CDK14: variants seen among roughly 807,000 people sequenced by gnomAD.
The protein encoded by CDK14 is cyclin dependent kinase 14.
A neutral mutation model predicts 60.7 loss-of-function variants in CDK14; 34 were observed. The ratio of observed to expected loss-of-function variants is 0.56; its 90% CI spans 0.43 to 0.75. CDK14 has a LOEUF of 0.75. Among genes scored for constraint, CDK14 ranks in the 30% least tolerant of loss-of-function variants. The probability of loss-of-function intolerance (pLI) is 0.00; values close to 1 mark genes in which losing one functional copy is unlikely to be tolerated. For synonymous variants in CDK14, 197 were observed against 203.7 expected (o/e 0.97, Z 0.28); for missense variants, 482 against 564.1 (o/e 0.85, Z 1.47).
chr7:90,932,803 T>C (rs947830619), intron 8 of CDK14, among the ~76,000 whole-genome samples: 9 of 152,220 alleles, frequency 5.9e-5, no homozygotes, highest in African/African-American at 1.9e-4. Flanking sequence ...TTCATCTGAA[T>C]GCTCCACTGG....
At chr7:91,006,417 A>C (rs1247904667) in intron 10 of CDK14, among the ~76,000 whole-genome samples, 1 of 152,224 alleles carries the variant, frequency 6.6e-6, no homozygotes, top group African/African-American at 2.4e-5. Flanking sequence ...TTTTTTCAGA[A>C]AACATTACAC....
chr7:91,066,668 T>C (rs1206434217), intron 11 of CDK14, among the ~76,000 whole-genome samples: 1 of 152,212 alleles, frequency 6.6e-6, no homozygotes, highest in African/African-American at 2.4e-5. Context: ...ATTTCAGGTG[T>C]AGCTTTTTTA....
chr7:90,811,467 C>T (rs1178644370), intron 5 of CDK14, among the ~76,000 whole-genome samples: 2 of 152,138 alleles, frequency 1.3e-5, no homozygotes, highest in African/African-American at 4.8e-5. Context: ...AAAAATAATT[C>T]AAGATGGATT....
At chr7:90,910,697 C>CA (rs201530876) in intron 7 of CDK14, among the ~76,000 whole-genome samples, 1,661 of 152,154 alleles carry the variant, frequency 0.011, 12 homozygotes, top group South Asian at 0.024. Context: ...CAGAGTAAGA[C>CA]AAAAAATGGG....
intron 4 of CDK14, among the ~76,000 whole-genome samples, chr7:90,774,142 G>C (rs191770750): frequency 1.3e-5 from 2 of 152,074 alleles, no homozygotes; most frequent in Admixed American, 1.3e-4. Context: ...GACCTCAAGT[G>C]ATCTGCCTGC....
intron 14 of CDK14, among the ~76,000 whole-genome samples, chr7:91,154,657 T>A (rs1800930245): frequency 6.6e-6 from 1 of 152,174 alleles, no homozygotes; most frequent in South Asian, 2.1e-4. Context: ...TCAAATAACT[T>A]AATCTTTGTG....
At chr7:91,101,742 T>G (rs1292768877) in intron 12 of CDK14, among the ~76,000 whole-genome samples, 2 of 152,200 alleles carry the variant, frequency 1.3e-5, no homozygotes, top group East Asian at 3.8e-4. Flanking sequence ...TCTTTTCTTC[T>G]GTTAGTCTTT....
intron 3 of CDK14, among the ~76,000 whole-genome samples, chr7:90,727,051 C>T (rs2116712932): frequency 6.6e-6 from 1 of 152,150 alleles, no homozygotes; most frequent in South Asian, 2.1e-4. Context: ...TCATTTTTCC[C>T]CCTTAATTGT....
intron 5 of CDK14, among the ~76,000 whole-genome samples, chr7:90,832,898 A>G (rs1236774294): frequency 6.6e-6 from 1 of 152,210 alleles, no homozygotes; most frequent in African/African-American, 2.4e-5. Flanking sequence ...AGAAAGTCAC[A>G]TGGCTAGGGC....
intron 2 of CDK14, among the ~76,000 whole-genome samples, chr7:90,659,581 C>T (rs1484030871): frequency 6.6e-6 from 1 of 151,980 alleles, no homozygotes; most frequent in Non-Finnish European, 1.5e-5. Context: ...TGAATTTGGC[C>T]CGCAAGAATA....
chr7:90,632,910 G>A (rs1442948787), intron 2 of CDK14, among the ~76,000 whole-genome samples: 6 of 151,972 alleles, frequency 3.9e-5, no homozygotes, highest in East Asian at 1.9e-4. Context: ...CCAACATGAC[G>A]AAACCCCATC....
In CDK14 at chr7:90,646,895, A is replaced by G. The variant is rs144619382; in HGVS notation, c.123+42646A>G. On this transcript the variant is annotated intron_variant, in intron 2 of 14. Transcript: ENST00000380050. Reference sequence around the variant, plus strand: ...TTAACAACTAAATATTGAGTCACATATGGTAATATACATTTAAAATTATAA... The same window carrying G: ...TTAACAACTAAATATTGAGTCACATGTGGTAATATACATTTAAAATTATAA... Among the ~76,000 whole-genome samples the G allele has an allele frequency of 5.0e-4, 76 of 152,322 alleles. No individual in the cohort carries two copies. The East Asian group carries it at 9.1e-3, about 18-fold the overall frequency.
At chr7:91,005,527 A>T (rs1056311662) in intron 10 of CDK14, among the ~76,000 whole-genome samples, 1 of 152,218 alleles carries the variant, frequency 6.6e-6, no homozygotes, top group Non-Finnish European at 1.5e-5. Flanking sequence ...TTTAAATCAC[A>T]CATGAATACA....
intron 5 of CDK14, among the ~76,000 whole-genome samples, chr7:90,856,369 A>G (rs1326681886): frequency 3.9e-5 from 6 of 152,114 alleles, no homozygotes; most frequent in Non-Finnish European, 8.8e-5. Context: ...TTTTAGCCCT[A>G]TTCCTCTATT....
intron 6 of CDK14, among the ~76,000 whole-genome samples, chr7:90,877,378 AACAGAT>A (rs1162628876): frequency 1.3e-5 from 2 of 151,896 alleles, no homozygotes; most frequent in African/African-American, 4.9e-5. Flanking sequence ...ATAAATCCCC[AACAGAT>A]ACTCATGCCT....
chr7:91,085,516 T>C (rs555103470), intron 12 of CDK14, among the ~76,000 whole-genome samples: 1 of 152,172 alleles, frequency 6.6e-6, no homozygotes, highest in Non-Finnish European at 1.5e-5. Context: ...CAGGTTACTC[T>C]CTCTGTACAG....
intron 12 of CDK14, among the ~76,000 whole-genome samples, chr7:91,092,589 A>G (rs991485722): frequency 6.6e-6 from 1 of 152,244 alleles, no homozygotes; most frequent in Non-Finnish European, 1.5e-5. Flanking sequence ...TCGTTTCACT[A>G]AAGTTTCTAC....
chr7:90,736,050 C>G (rs1803087543), intron 3 of CDK14, among the ~76,000 whole-genome samples: 1 of 152,200 alleles, frequency 6.6e-6, no homozygotes. Context: ...CCGGTACAGT[C>G]TCTCATGGCT....
intron 11 of CDK14, among the ~76,000 whole-genome samples, chr7:91,062,842 G>A (rs535187232): frequency 1.3e-5 from 2 of 152,266 alleles, no homozygotes; most frequent in South Asian, 4.1e-4. Flanking sequence ...GGTTTCAGCT[G>A]GTGTTGGCTG....
Sources: allele counts gnomAD v4.1 joint callset (sites outside exome capture counted in the v4.1 genomes callset), GRCh38; gene constraint gnomAD v4.1.1; transcripts MANE v1.5; gene names NCBI Gene and HGNC (gene_info 2026-07-23, HGNC 2026-07-21).